The following FAM185A variants were observed in gnomAD, a reference collection of about 807,000 sequenced individuals.
The protein encoded by FAM185A is protein FAM185A.
In FAM185A, 21 loss-of-function variants were observed where a neutral mutation model predicts 45.7. The observed-to-expected ratio is 0.46, with a 90% CI of 0.33 to 0.66. The LOEUF (loss-of-function observed/expected upper bound fraction) is 0.66, where lower values mean the gene tolerates loss of function less well. FAM185A is among the 30% of genes least tolerant of loss of function. FAM185A has a pLI of 0.03. For missense variants in FAM185A, 305 were observed against 485.4 expected, an observed-to-expected ratio of 0.63 and a Z score of 3.49; for synonymous variants, 117 against 194.0, an observed-to-expected ratio of 0.60 and a Z score of 3.30.
intron 6 of FAM185A, chr7:102,779,885 G>C (rs1184293054): frequency 3.5e-5 from 5 of 141,030 alleles, no homozygotes; most frequent in Admixed American, 1.4e-4. Flanking sequence ...TTTTTGAGCT[G>C]GGGGAGGTAG....
intron 3 of FAM185A, among the ~76,000 whole-genome samples, chr7:102,758,426 G>GAT (rs1562845336): frequency 1.0e-5 from 1 of 95,864 alleles, no homozygotes; most frequent in Non-Finnish European, 2.0e-5. Context: ...TGCTCTCACA[G>GAT]CTTTTTTTTT....
the FAM185A span, among the ~76,000 whole-genome samples, chr7:102,828,606 T>C: frequency 1.3e-5 from 2 of 152,220 alleles, no homozygotes; most frequent in Admixed American, 1.3e-4. Flanking sequence ...CTTCATGCCT[T>C]TCCACTCCTA....
chr7:102,800,721 A>G (rs1796738503), intron 7 of FAM185A, among the ~76,000 whole-genome samples: 1 of 152,106 alleles, frequency 6.6e-6, no homozygotes, highest in South Asian at 2.1e-4. Context: ...AAAGCCTCCA[A>G]GACATCTGGG....
At chr7:102,811,546 T>A (rs1039195196), downstream of FAM185A, among the ~76,000 whole-genome samples, 2 of 152,196 alleles carry the variant, frequency 1.3e-5, no homozygotes, top group African/African-American at 2.4e-5. Context: ...CTCAAAGAGC[T>A]TTGGAGCAAG....
intron 4 of FAM185A, among the ~76,000 whole-genome samples, chr7:102,768,690 T>C (rs1299078075): frequency 6.6e-6 from 1 of 151,672 alleles, no homozygotes; most frequent in Non-Finnish European, 1.5e-5. Context: ...ATCTTTAAAT[T>C]GATTACATTT....
chr7:102,798,350 G>A (rs560465898), intron 7 of FAM185A, among the ~76,000 whole-genome samples: 1 of 152,302 alleles, frequency 6.6e-6, no homozygotes, highest in South Asian at 2.1e-4. Context: ...GTACAAAGAA[G>A]TTTCAGTAAA....
chr7:102,778,239 C>A (rs1795190770), intron 6 of FAM185A, among the ~76,000 whole-genome samples: 1 of 152,218 alleles, frequency 6.6e-6, no homozygotes, highest in Admixed American at 6.5e-5. Context: ...CTGCAAAACA[C>A]AGAGGTCTGA....
At chr7:102,765,862 A>G (rs1331540790) in intron 4 of FAM185A, among the ~76,000 whole-genome samples, 5 of 151,774 alleles carry the variant, frequency 3.3e-5, no homozygotes, top group Non-Finnish European at 5.9e-5. Flanking sequence ...AGGTACTTGA[A>G]TAGGTTGTGT....
chr7:102,826,293 G>C, the FAM185A span, among the ~76,000 whole-genome samples: 4 of 152,072 alleles, frequency 2.6e-5, no homozygotes, highest in African/African-American at 9.7e-5. Flanking sequence ...GTTAATAACA[G>C]GTGGTTTCAT....
chr7:102,771,638 AC>A, intron 4 of FAM185A, among the ~76,000 whole-genome samples: 1 of 152,244 alleles, frequency 6.6e-6, no homozygotes, highest in East Asian at 1.9e-4. Flanking sequence ...TTATTCCTTT[AC>A]TTTTTAGTGT....
At chr7:102,758,426 GCTT>G (rs1196781583) in intron 3 of FAM185A, among the ~76,000 whole-genome samples, 17,015 of 95,420 alleles carry the variant, frequency 0.18, 2,839 homozygotes, top group Admixed American at 0.23. Flanking sequence ...TGCTCTCACA[GCTT>G]TTTTTTTTTT....
chr7:102,837,813 G>T, the FAM185A span, among the ~76,000 whole-genome samples: 1 of 152,190 alleles, frequency 6.6e-6, no homozygotes, highest in African/African-American at 2.4e-5. Context: ...AAAACGTTGG[G>T]ATTATAGGCA....
downstream of FAM185A, chr7:102,813,087 G>A (rs752212403): frequency 3.4e-5 from 11 of 320,640 alleles, no homozygotes; most frequent in East Asian, 3.2e-4. Flanking sequence ...TGGTCCACCC[G>A]CCTTGGCCTA....
chr7:102,785,331 T>A (rs56170252), intron 6 of FAM185A, among the ~76,000 whole-genome samples: 27,008 of 148,738 alleles, frequency 0.18, 2,163 homozygotes, highest in Middle Eastern at 0.3. Flanking sequence ...AAAAACTACT[T>A]TAAAGTTCAT....
In FAM185A at chr7:102,780,065, A is replaced by AT. The variant is rs201413265; in HGVS notation, c.931+2726dup. On this transcript the variant is annotated intron_variant, in intron 6 of 7. Coordinates refer to ENST00000413034, the MANE Select transcript of FAM185A (RefSeq NM_001145268.2). Reference sequence around the variant, plus strand: ...TTGTAGTAATATGCATTGTTCCCTAATTTTTTTTTAGAATAGAACAGTTTG... The same window carrying AT: ...TTGTAGTAATATGCATTGTTCCCTAATTTTTTTTTTAGAATAGAACAGTTTG... 4.0e-5 allele frequency among the ~76,000 whole-genome samples: 6 copies of AT among 150,840 alleles called. No individual in the cohort carries two copies. The South Asian group carries it at 6.3e-4, about 16-fold the overall frequency.
chr7:102,783,207 T>G (rs980218465), intron 6 of FAM185A, among the ~76,000 whole-genome samples: 1 of 151,560 alleles, frequency 6.6e-6, no homozygotes, highest in African/African-American at 2.4e-5. Context: ...AATGGGAGAC[T>G]TTAACACCCT....
chr7:102,793,208 T>TTTGTTG (rs1019415197), intron 7 of FAM185A, among the ~76,000 whole-genome samples: 1 of 151,540 alleles, frequency 6.6e-6, no homozygotes, highest in Non-Finnish European at 1.5e-5. Context: ...GTGTTTTTTT[T>TTTGTTG]TTGTTGTTGT....
intron 4 of FAM185A, among the ~76,000 whole-genome samples, chr7:102,762,647 T>G (rs1794177326): frequency 6.6e-6 from 1 of 152,220 alleles, no homozygotes; most frequent in African/African-American, 2.4e-5. Flanking sequence ...AATCATGCTA[T>G]GTAGTAATTT....
In FAM185A at chr7:102,808,928, CT is replaced by C. The variant is rs1797280395; in HGVS notation, c.*528del. On this transcript the variant is annotated 3_prime_UTR_variant, in exon 8 of 8. Transcript: ENST00000413034. ...TTCTCATGCTTTGAATATCTGACTT[CT>C]TCTGCAGCCAGCTGGAAGAATATAT... is the stretch of plus-strand genomic sequence containing the variant. 2.6e-5 allele frequency: 4 copies of C among 154,278 alleles called. No individual in the cohort carries two copies. 9.6% of individuals were successfully genotyped at this position (154,278 alleles called of 1,614,324 possible). A position where few individuals can be genotyped will look rare whatever the true frequency, so the allele number is the denominator to read the frequency against.
Sources: gnomAD v4.1 joint callset for allele counts (sites outside exome capture counted in the v4.1 genomes callset) on GRCh38, gnomAD v4.1.1 for gene constraint, MANE v1.5 for transcripts, NCBI Gene and HGNC (gene_info 2026-07-23, HGNC 2026-07-21) for gene names.